Variants in RORA observed in about 807,000 individuals in gnomAD.
RORA encodes nuclear receptor ROR-alpha.
A neutral mutation model predicts 69.5 loss-of-function variants in RORA; 7 were observed. The observed-to-expected ratio is 0.10, with a 90% confidence interval of 0.06 to 0.19. The LOEUF is 0.19. Ranked by LOEUF, RORA falls within the 10% of genes least tolerant of loss-of-function variation. RORA has a pLI of 1.00. For synonymous variants in RORA, 261 were observed against 240.8 expected (o/e 1.08, Z -0.78); for missense variants, 457 against 663.0 (o/e 0.69, Z 3.41).
Position 61,213,263 on chromosome 15 carries a change from C to T in RORA, c.166+15790G>A, listed in dbSNP as rs1047994275. Among the ~76,000 whole-genome samples, 1 of 152,144 alleles carries T rather than the reference C, an allele frequency of 6.6e-6. No individual in the cohort carries two copies. Among genetic ancestry groups the T allele is most frequent in the African/African-American group, 2.4e-5 (1 of 41,420 alleles). On this transcript the variant is annotated intron_variant, in intron 1 of 10. Coordinates refer to ENST00000335670, the MANE Select transcript of RORA (RefSeq NM_134261.3). This position sits in a 1 kb window ranked among gnomAD's most constrained non-coding sequence, Gnocchi z 4.1. ...GCAGAGTCAACTCTTCTTCGCCTTC[C>T]ACTCCCAACCCTCACCCCAGTCTTG... is the stretch of plus-strand genomic sequence containing the variant.
intron 1 of RORA, among the ~76,000 whole-genome samples, chr15:60,969,995 T>C (rs1595852705): frequency 6.6e-6 from 1 of 152,160 alleles, no homozygotes; most frequent in African/African-American, 2.4e-5. Flanking sequence ...TGTGCACTCT[T>C]GCACGCGCAC....
chr15:61,175,547 A>AAAAAAAAAG (rs2079620607), intron 1 of RORA, among the ~76,000 whole-genome samples: 1 of 151,308 alleles, frequency 6.6e-6, no homozygotes, highest in African/African-American at 2.4e-5. Context: ...TTTCTAAAAA[A>AAAAAAAAAG]AAAAAAAAAA....
intron 1 of RORA, among the ~76,000 whole-genome samples, chr15:61,124,176 G>A (rs2079125026): frequency 6.6e-6 from 1 of 152,192 alleles, no homozygotes. Context: ...TGGCACCCCT[G>A]CCATTTAGGT....
At chr15:60,798,794 C>A (rs1481320501) in intron 1 of RORA, among the ~76,000 whole-genome samples, 1 of 152,058 alleles carries the variant, frequency 6.6e-6, no homozygotes, top group African/African-American at 2.4e-5. Context: ...CCTCTCTGAC[C>A]CCTAATTTCC....
chr15:60,766,239 C>A (rs776891171), intron 1 of RORA, among the ~76,000 whole-genome samples: 1 of 152,096 alleles, frequency 6.6e-6, no homozygotes, highest in Non-Finnish European at 1.5e-5. Context: ...GCCTGCGAGC[C>A]TGTGTCTGTA....
chr15:60,859,656 T>TTTC (rs1555458477), intron 1 of RORA, among the ~76,000 whole-genome samples: 1,401 of 112,482 alleles, frequency 0.012, 13 homozygotes, highest in Non-Finnish European at 0.021. Flanking sequence ...TCTTTCTTTC[T>TTTC]TTTTTTTTTT....
At chr15:60,883,268 C>T (rs530917355) in intron 1 of RORA, among the ~76,000 whole-genome samples, 15 of 151,264 alleles carry the variant, frequency 9.9e-5, no homozygotes, top group Admixed American at 3.3e-4. Flanking sequence ...AACAGCATTA[C>T]GAATCATAGG....
At chr15:60,514,092 T>C (rs932677071) in intron 4 of RORA, among the ~76,000 whole-genome samples, 5 of 152,236 alleles carry the variant, frequency 3.3e-5, no homozygotes, top group Non-Finnish European at 5.9e-5. Context: ...AGAACACTTG[T>C]CATTGAGCCA....
At chr15:60,846,262 C>T (rs866682104) in intron 1 of RORA, among the ~76,000 whole-genome samples, 16 of 152,184 alleles carry the variant, frequency 1.1e-4, no homozygotes, top group African/African-American at 3.4e-4. Context: ...CACATTGGTG[C>T]CCGTACTGTG....
chr15:60,723,684 C>CTCCA (rs1181580961), intron 1 of RORA, among the ~76,000 whole-genome samples: 2 of 152,162 alleles, frequency 1.3e-5, no homozygotes, highest in Non-Finnish European at 2.9e-5. Context: ...GTACACACAA[C>CTCCA]TCCATCCATC....
chr15:60,812,536 G>C (rs2072758799), intron 1 of RORA, among the ~76,000 whole-genome samples: 1 of 152,124 alleles, frequency 6.6e-6, no homozygotes, highest in African/African-American at 2.4e-5. Flanking sequence ...AATAAATAAA[G>C]AAGAGTGAAT....
chr15:61,161,123 G>C (rs750873607), intron 1 of RORA, among the ~76,000 whole-genome samples: 1 of 152,142 alleles, frequency 6.6e-6, no homozygotes, highest in African/African-American at 2.4e-5. Flanking sequence ...AAAAGGCTGA[G>C]TTGCTCTGAC....
chr15:60,749,880 A>T (rs919553960), intron 1 of RORA, among the ~76,000 whole-genome samples: 3 of 152,124 alleles, frequency 2.0e-5, no homozygotes, highest in African/African-American at 7.2e-5. Context: ...ATTACAAAAA[A>T]TTAGTCTGAC....
chr15:60,744,503 G>C (rs1256911259), intron 1 of RORA, among the ~76,000 whole-genome samples: 1 of 152,142 alleles, frequency 6.6e-6, no homozygotes, highest in African/African-American at 2.4e-5. Flanking sequence ...TTTGAGTCCT[G>C]GTTCTCCCTC....
chr15:60,923,980 G>A (rs1278701719), intron 1 of RORA, among the ~76,000 whole-genome samples: 1 of 152,192 alleles, frequency 6.6e-6, no homozygotes, highest in Non-Finnish European at 1.5e-5. Flanking sequence ...GATCATGTGT[G>A]AGCACGGGGC....
rs143132852 is a variant in RORA, at chr15:60,823,850, G to T, written c.167-145164C>A. 8.6e-5 allele frequency among the ~76,000 whole-genome samples: 13 copies of T among 152,026 alleles called. No individual in the cohort carries two copies. In the East Asian group the frequency reaches 2.5e-3, roughly 29 times the overall value. On this transcript the variant is annotated intron_variant, in intron 1 of 10. Coordinates refer to ENST00000335670, the MANE Select transcript of RORA (RefSeq NM_134261.3). ...CAACTTTGGCCATAAGTGTGGCTTC[G>T]CCTAAAATCCTACTGCTTCTTTAGG...
intron 1 of RORA, among the ~76,000 whole-genome samples, chr15:61,033,754 A>G (rs1896306581): frequency 1.3e-5 from 2 of 152,172 alleles, no homozygotes; most frequent in Admixed American, 1.3e-4. Flanking sequence ...CAGATTTAGT[A>G]TGAAAACAGG....
chr15:60,639,461 G>T (rs1054487825), intron 2 of RORA, among the ~76,000 whole-genome samples: 4 of 152,082 alleles, frequency 2.6e-5, no homozygotes, highest in African/African-American at 9.7e-5. Context: ...TCAAGTCTCT[G>T]CTCTACAGTG....
At chr15:61,040,458 C>T (rs1179842171) in intron 1 of RORA, among the ~76,000 whole-genome samples, 1 of 151,928 alleles carries the variant, frequency 6.6e-6, no homozygotes, top group Non-Finnish European at 1.5e-5. Flanking sequence ...TGATATAAAG[C>T]TTTTTGCCTG....
Sources: gnomAD v4.1 joint callset for allele counts (sites outside exome capture counted in the v4.1 genomes callset) on GRCh38, gnomAD v4.1.1 for gene constraint, Gnocchi (gnomAD v3.1) non-coding constraint, MANE v1.5 for transcripts, NCBI Gene and HGNC (gene_info 2026-07-23, HGNC 2026-07-21) for gene names.